Variants in CFAP95 observed in about 807,000 individuals in gnomAD.
CFAP95 encodes cilia and flagella associated protein 95, also known as cilia- and flagella-associated protein 95.
the CFAP95 span, among the ~76,000 whole-genome samples, chr9:69,837,197 G>T: frequency 6.6e-6 from 1 of 152,168 alleles, no homozygotes; most frequent in Admixed American, 6.5e-5. Flanking sequence ...ATATACGTGT[G>T]CATGTGTCTT....
At chr9:69,865,159 C>A in the CFAP95 span, among the ~76,000 whole-genome samples, 2 of 152,148 alleles carry the variant, frequency 1.3e-5, no homozygotes, top group African/African-American at 4.8e-5. Context: ...TTTGCTCACT[C>A]TTCTCTCTCC....
At chr9:69,902,375 A>C in the CFAP95 span, 6 of 452,496 alleles carry the variant, frequency 1.3e-5, no homozygotes, top group South Asian at 3.2e-5. Flanking sequence ...TGACATTCTA[A>C]AGTCCTCAAA....
chr9:69,877,418 A>G, the CFAP95 span, among the ~76,000 whole-genome samples: 1 of 152,238 alleles, frequency 6.6e-6, no homozygotes, highest in African/African-American at 2.4e-5. Flanking sequence ...AATAATTGCT[A>G]TCATTATATC....
chr9:69,901,473 G>A, the CFAP95 span, among the ~76,000 whole-genome samples: 2 of 152,102 alleles, frequency 1.3e-5, no homozygotes, highest in African/African-American at 2.4e-5. Flanking sequence ...AATTTGCTCG[G>A]AATGATGGTT....
the CFAP95 span, among the ~76,000 whole-genome samples, chr9:69,827,209 A>G: frequency 2.0e-5 from 3 of 152,188 alleles, no homozygotes; most frequent in African/African-American, 7.2e-5. Flanking sequence ...AGATATTTTT[A>G]TTTCTCAATT....
At chr9:69,900,726 G>A in the CFAP95 span, among the ~76,000 whole-genome samples, 2 of 152,140 alleles carry the variant, frequency 1.3e-5, no homozygotes, top group African/African-American at 4.8e-5. Flanking sequence ...TCTCATCCAT[G>A]CCACAGGAAA....
the CFAP95 span, among the ~76,000 whole-genome samples, chr9:69,839,715 C>T: frequency 1.3e-5 from 2 of 151,576 alleles, no homozygotes; most frequent in Non-Finnish European, 2.9e-5. Flanking sequence ...TGTGAGCCAC[C>T]ATGTCTGGAC....
the CFAP95 span, among the ~76,000 whole-genome samples, chr9:69,839,345 C>T: frequency 6.7e-6 from 1 of 149,632 alleles, no homozygotes; most frequent in African/African-American, 2.5e-5. Flanking sequence ...TAGAATTCGG[C>T]TGTGAATCCA....
chr9:69,904,584 C>T, the CFAP95 span, among the ~76,000 whole-genome samples: 2 of 152,196 alleles, frequency 1.3e-5, no homozygotes, highest in Non-Finnish European at 2.9e-5. Flanking sequence ...AAAAATCCTT[C>T]TCTCTGCCTA....
At chr9:69,885,017 G>A in the CFAP95 span, 1 of 152,092 alleles carries the variant, frequency 6.6e-6, no homozygotes, top group Admixed American at 6.5e-5. Context: ...TAGTTGTTTT[G>A]TGGTGGGAAC....
chr9:69,890,495 G>A, the CFAP95 span, among the ~76,000 whole-genome samples: 162 of 152,264 alleles, frequency 1.1e-3, no homozygotes, highest in African/African-American at 3.6e-3. Flanking sequence ...AATAACTTTT[G>A]ATTATAATAA....
At chr9:69,831,952 T>C in the CFAP95 span, among the ~76,000 whole-genome samples, 1 of 152,162 alleles carries the variant, frequency 6.6e-6, no homozygotes, top group African/African-American at 2.4e-5. Flanking sequence ...AATTTACATA[T>C]CCATAAACTA....
chr9:69,860,153 C>T, the CFAP95 span, among the ~76,000 whole-genome samples: 320 of 152,240 alleles, frequency 2.1e-3, 2 homozygotes, highest in African/African-American at 7.2e-3. Context: ...TTTTGCATTG[C>T]TATAAAGGAA....
chr9:69,885,639 G>A, the CFAP95 span, among the ~76,000 whole-genome samples: 16 of 152,314 alleles, frequency 1.1e-4, no homozygotes, highest in African/African-American at 3.8e-4. Flanking sequence ...GGGGATGAGT[G>A]TGGATGTATT....
At chr9:69,897,025 ATTC>A in the CFAP95 span, among the ~76,000 whole-genome samples, 1 of 152,180 alleles carries the variant, frequency 6.6e-6, no homozygotes, top group African/African-American at 2.4e-5. Flanking sequence ...CTGTGGGGTA[ATTC>A]TTCTTTTCCT....
chr9:69,825,571 C>G, the CFAP95 span, among the ~76,000 whole-genome samples: 1 of 152,094 alleles, frequency 6.6e-6, no homozygotes, highest in African/African-American at 2.4e-5. Flanking sequence ...GCCAGAGATG[C>G]CTTTTCTAGG....
At chr9:69,825,403 T>C in the CFAP95 span, among the ~76,000 whole-genome samples, 1 of 152,316 alleles carries the variant, frequency 6.6e-6, no homozygotes, top group African/African-American at 2.4e-5. Context: ...AAATCCGTTG[T>C]GTATAATAGA....
chr9:69,901,758 C>T, the CFAP95 span, among the ~76,000 whole-genome samples: 728 of 152,250 alleles, frequency 4.8e-3, 5 homozygotes, highest in Non-Finnish European at 8.8e-3. Context: ...CCTGAGGAAT[C>T]GCCACACTGA....
the CFAP95 span, among the ~76,000 whole-genome samples, chr9:69,895,367 CTCTG>C: frequency 5.4e-5 from 6 of 111,282 alleles, no homozygotes; most frequent in African/African-American, 1.9e-4. Context: ...CTCTCTCTCT[CTCTG>C]TGTGTGTGTG....
Sources: allele counts gnomAD v4.1 joint callset (sites outside exome capture counted in the v4.1 genomes callset), GRCh38; gene constraint gnomAD v4.1.1; transcripts MANE v1.5; gene names NCBI Gene and HGNC (gene_info 2026-07-23, HGNC 2026-07-21).